Variants in ATP10A observed in about 807,000 individuals in gnomAD.
ATP10A encodes phospholipid-transporting ATPase VA.
ATP10A carries 111 observed loss-of-function variants against 147.8 expected under a neutral mutation model. The ratio of observed to expected loss-of-function variants is 0.75; its 90% CI spans 0.64 to 0.88. The LOEUF (loss-of-function observed/expected upper bound fraction) is 0.88. ATP10A is among the 40% of genes least tolerant of loss of function. The probability of loss-of-function intolerance (pLI) is 0.00; values close to 1 mark genes in which losing one functional copy is unlikely to be tolerated. For synonymous variants in ATP10A, 875 were observed against 841.6 expected, an observed-to-expected ratio of 1.04 and a Z score of -0.69; for missense variants, 1,927 against 1,959.0, an observed-to-expected ratio of 0.98 and a Z score of 0.31.
chr15:25,820,605 A>G (rs1168970907), intron 1 of ATP10A, among the ~76,000 whole-genome samples: 3 of 152,210 alleles, frequency 2.0e-5, no homozygotes, highest in African/African-American at 7.2e-5. Flanking sequence ...ATGTTTATAA[A>G]TGTTCGGCAT....
intron 1 of ATP10A, among the ~76,000 whole-genome samples, chr15:25,845,579 C>G (rs1892988130): frequency 6.6e-6 from 1 of 152,150 alleles, no homozygotes; most frequent in African/African-American, 2.4e-5. Context: ...CGACCCCACC[C>G]ATGCTGACAG....
intron 1 of ATP10A, among the ~76,000 whole-genome samples, chr15:25,841,233 T>A (rs1241683835): frequency 2.6e-5 from 4 of 152,040 alleles, no homozygotes; most frequent in African/African-American, 7.2e-5. Context: ...TTTAAATCTA[T>A]AATCTTTAAC....
chr15:25,814,500 G>C lies in ATP10A; in HGVS notation c.450-33277C>G, dbSNP rs186424172. On this transcript the variant is annotated intron_variant, in intron 1 of 20. Transcript: ENST00000555815. ...CCTGGTTCCACCAATGATGTCTGCA[G>C]ACCAACGTGATTGGGACTGGAATCC... is the stretch of plus-strand genomic sequence containing the variant. Among the ~76,000 whole-genome samples, 12 of 152,320 alleles carry C rather than the reference G, an allele frequency of 7.9e-5. No individual in the cohort carries two copies. In the East Asian group the frequency reaches 1.5e-3, roughly 20 times the overall value.
intron 2 of ATP10A, among the ~76,000 whole-genome samples, chr15:25,745,529 C>T (rs1370552504): frequency 6.6e-6 from 1 of 152,010 alleles, no homozygotes; most frequent in Non-Finnish European, 1.5e-5. Context: ...TGAGATGAGC[C>T]TGGGCAACAG....
At chr15:25,677,059 G>A (rs1179772587), downstream of ATP10A, among the ~76,000 whole-genome samples, 2 of 151,968 alleles carry the variant, frequency 1.3e-5, no homozygotes, top group Non-Finnish European at 2.9e-5. Flanking sequence ...TCTGACCTCC[G>A]AGAACTTAGA....
chr15:25,860,873 C>T (rs1354429568), intron 1 of ATP10A, among the ~76,000 whole-genome samples: 1 of 152,224 alleles, frequency 6.6e-6, no homozygotes, highest in Non-Finnish European at 1.5e-5. Context: ...AACTGTATTT[C>T]TCCTGAGGCA....
In ATP10A at chr15:25,863,110, C is replaced by T; in HGVS notation, c.-14G>A. 8.6e-7 allele frequency: 1 copy of T among 1,167,662 alleles called. No individual in the cohort carries two copies. The highest frequency in any genetic ancestry group is 1.1e-6 in the Non-Finnish European group (1 of 948,268). The allele number at this position is 1,167,662 out of a possible 1,614,324, so 72.3% of individuals were successfully genotyped here. A position where few individuals can be genotyped will look rare whatever the true frequency, so the allele number is the denominator to read the frequency against. On this transcript the variant is annotated 5_prime_UTR_variant, in exon 1 of 21. Transcript: ENST00000555815. The stretch of plus-strand genomic sequence containing the variant: ...CTCCCGCTCCATGGCCGCGTGTCGC[C>T]GCGCCCGGCTCCTCCGCCGCTCACG...
At chr15:25,755,539 C>T (rs532437234) in intron 2 of ATP10A, among the ~76,000 whole-genome samples, 26 of 152,224 alleles carry the variant, frequency 1.7e-4, no homozygotes, top group African/African-American at 3.6e-4. Context: ...TAGGTGACTC[C>T]GAAAACAACA....
At chr15:25,687,504 C>T (rs1899758177) in intron 16 of ATP10A, among the ~76,000 whole-genome samples, 199 bp downstream of exon 16, 1 of 151,934 alleles carries the variant, frequency 6.6e-6, no homozygotes, top group Middle Eastern at 3.4e-3. Flanking sequence ...TGCAGCTGCT[C>T]TCATGCCCCT....
chr15:25,750,748 A>G (rs1424183822), intron 2 of ATP10A, among the ~76,000 whole-genome samples: 1 of 151,824 alleles, frequency 6.6e-6, no homozygotes, highest in Non-Finnish European at 1.5e-5. Flanking sequence ...ATGACAGTAC[A>G]AAGTCTGGAA....
chr15:25,811,177 C>G (rs1377550086), intron 1 of ATP10A, among the ~76,000 whole-genome samples: 2 of 152,182 alleles, frequency 1.3e-5, no homozygotes, highest in East Asian at 3.9e-4. Context: ...AGGGAGAAGT[C>G]AGTATCCAGG....
intron 8 of ATP10A, 59 bp from the exon 9 acceptor site, chr15:25,716,983 G>T: frequency 7.2e-7 from 1 of 1,381,658 alleles, no homozygotes; most frequent in South Asian, 1.5e-5. Context: ...GGATCTTGGG[G>T]CGTGACTATT....
At chr15:25,684,424 G>C (rs1175092357) in intron 16 of ATP10A, among the ~76,000 whole-genome samples, 1 of 152,218 alleles carries the variant, frequency 6.6e-6, no homozygotes. Context: ...CAGCTGCTGT[G>C]AGCGTGAAGC....
chr15:25,795,951 G>T (rs1441147381), intron 1 of ATP10A, among the ~76,000 whole-genome samples: 4 of 152,194 alleles, frequency 2.6e-5, no homozygotes, highest in African/African-American at 9.6e-5. Flanking sequence ...TCACCCCTGT[G>T]ATTCTGCTCG....
At chr15:25,839,214 C>T (rs1376103491) in intron 1 of ATP10A, among the ~76,000 whole-genome samples, 3 of 152,180 alleles carry the variant, frequency 2.0e-5, no homozygotes, top group East Asian at 1.9e-4. Flanking sequence ...GTAACTCCAG[C>T]GTATGTGCGT....
chr15:25,837,723 C>T (rs1406456500), intron 1 of ATP10A, among the ~76,000 whole-genome samples: 1 of 152,194 alleles, frequency 6.6e-6, no homozygotes, highest in Non-Finnish European at 1.5e-5. Flanking sequence ...GCAAACTGCC[C>T]GAAAGGCACC....
At chr15:25,747,287 CAAAA>C (rs34660034) in intron 2 of ATP10A, among the ~76,000 whole-genome samples, 50 of 113,230 alleles carry the variant, frequency 4.4e-4, no homozygotes, top group Admixed American at 3.8e-3. Flanking sequence ...AACTCCATCT[CAAAA>C]AAAAAAAAAA....
At chr15:25,784,962 G>A (rs985409976) in intron 1 of ATP10A, among the ~76,000 whole-genome samples, 1 of 151,624 alleles carries the variant, frequency 6.6e-6, no homozygotes, top group African/African-American at 2.4e-5. Context: ...TGCAGTCCAT[G>A]GGAATCCCTA....
intron 1 of ATP10A, among the ~76,000 whole-genome samples, chr15:25,814,207 C>T (rs1390809444): frequency 6.6e-6 from 1 of 152,056 alleles, no homozygotes; most frequent in East Asian, 1.9e-4. Flanking sequence ...CCATTGGAAA[C>T]AATGAAGCAA....
Sources: allele counts gnomAD v4.1 joint callset (sites outside exome capture counted in the v4.1 genomes callset), GRCh38; gene constraint gnomAD v4.1.1; transcripts MANE v1.5; gene names NCBI Gene and HGNC (gene_info 2026-07-23, HGNC 2026-07-21).